The following ZNF431 variants were observed in gnomAD, a reference collection of about 807,000 sequenced individuals.
ZNF431 encodes zinc finger protein 431.
Under a neutral mutation model 57.0 loss-of-function variants are expected in ZNF431, and 34 were observed. The observed-to-expected ratio is 0.60, with a 90% CI of 0.45 to 0.79. The LOEUF (loss-of-function observed/expected upper bound fraction) is 0.79. ZNF431 is among the 30% of genes least tolerant of loss of function. ZNF431 has a pLI of 0.00. For missense variants in ZNF431, 607 were observed against 667.1 expected (o/e 0.91, Z 0.99); for synonymous variants, 207 against 220.3 (o/e 0.94, Z 0.54).
In ZNF431 at chr19:21,193,278, C is replaced by T. The variant is rs925617127; in HGVS notation, c.*9244C>T. On this transcript the variant is annotated 3_prime_UTR_variant, in exon 5 of 5. Coordinates refer to ENST00000311048, the MANE Select transcript of ZNF431 (RefSeq NM_133473.4). ...ACGAGGTGGCTCACGCCTGTAATCC[C>T]AGCACTTTGGAAGGCCGAGGTGGGC... is the stretch of plus-strand genomic sequence containing the variant. The T allele has an allele frequency of 6.6e-6, 1 of 152,234 alleles. No individual in the cohort carries two copies. Among genetic ancestry groups the T allele is most frequent in the Non-Finnish European group, 1.5e-5 (1 of 68,074 alleles). 9.4% of individuals were successfully genotyped at this position (152,234 alleles called of 1,614,324 possible).
In ZNF431 at chr19:21,183,085, A is replaced by G. The variant is rs1483534518; in HGVS notation, c.782A>G (p.Lys261Arg). ...ATTCATACTGGAGAGAAACCCTTCA[A>G]ATGTGAAGAATGTGGCAAAGCTTTT... is the stretch of plus-strand genomic sequence containing the variant. ...KRIHTGEKPF[K>R]CEECGKAFKQ... is the part of the protein sequence containing the mutation. The change falls in exon 5 of 5, where the codon AAA becomes AGA. Residue 261 changes from lysine (K) to arginine (R), a missense_variant. Transcript: ENST00000311048. 1 of 1,614,100 alleles carries G rather than the reference A, an allele frequency of 6.2e-7. No individual in the cohort carries two copies. The highest frequency in any genetic ancestry group is 8.5e-7 in the Non-Finnish European group (1 of 1,179,980).
rs1971565644 is a variant in ZNF431 at position 21,194,292 on chromosome 19, A to G, written c.*10258A>G. Reference sequence around the variant, plus strand: ...CAAAAAATAATATACTTAGAAATACATCAAACCAGGGAGGTAAAATATCTC... The same window carrying G: ...CAAAAAATAATATACTTAGAAATACGTCAAACCAGGGAGGTAAAATATCTC... On this transcript the variant is annotated 3_prime_UTR_variant, in exon 5 of 5. Transcript: ENST00000311048. 6.6e-6 allele frequency: 1 copy of G among 152,214 alleles called. No individual in the cohort carries two copies. Among genetic ancestry groups the G allele is most frequent in the African/African-American group, 2.4e-5 (1 of 41,472 alleles). The allele number at this position is 152,214 out of a possible 1,614,324, so 9.4% of individuals were successfully genotyped here. A position where few individuals can be genotyped will look rare whatever the true frequency, so the allele number is the denominator to read the frequency against.
chr19:21,168,215 C>G (rs998069769), intron 4 of ZNF431, among the ~76,000 whole-genome samples: 3 of 151,690 alleles, frequency 2.0e-5, no homozygotes, highest in Non-Finnish European at 4.4e-5. Context: ...AATGCTTTGG[C>G]TATTTGAAAT....
chr19:21,175,540 A>T (rs7248419), intron 4 of ZNF431: 500,028 of 642,728 alleles, frequency 0.78, 196,320 homozygotes, highest in Non-Finnish European at 0.82. Context: ...CACCTCGGTG[A>T]TAAGCCCTGC....
Position 21,195,788 on chromosome 19 carries a change from G to A in ZNF431, c.*11754G>A, listed in dbSNP as rs777188736. 6 of 152,068 alleles carry A rather than the reference G, an allele frequency of 3.9e-5. No homozygotes were observed. The highest frequency in any genetic ancestry group is 7.4e-5 in the Non-Finnish European group (5 of 68,014). 9.4% of individuals were successfully genotyped at this position (152,068 alleles called of 1,614,324 possible). ...TTCTTGCAGATTTAAATATTTTATTGCAGTGTAAAGTTTAATATTTAGATG... is the reference window on the plus strand; with the variant it reads ...TTCTTGCAGATTTAAATATTTTATTACAGTGTAAAGTTTAATATTTAGATG... On this transcript the variant is annotated 3_prime_UTR_variant, in exon 5 of 5. Coordinates refer to ENST00000311048, the MANE Select transcript of ZNF431 (RefSeq NM_133473.4).
At chr19:21,157,932 G>A (rs1599588263) in intron 2 of ZNF431, among the ~76,000 whole-genome samples, 1 of 150,470 alleles carries the variant, frequency 6.6e-6, no homozygotes, top group Non-Finnish European at 1.5e-5. Flanking sequence ...TTTTGTTACC[G>A]TAGCCCTCTA....
At chr19:21,175,433 A>T (rs1381373444) in intron 4 of ZNF431, 2 of 697,588 alleles carry the variant, frequency 2.9e-6, no homozygotes, top group Admixed American at 4.0e-5. Context: ...AGTTTAATTT[A>T]ATTTAATTTT....
intron 4 of ZNF431, among the ~76,000 whole-genome samples, chr19:21,170,140 A>G (rs1970841338): frequency 2.0e-5 from 3 of 151,960 alleles, no homozygotes; most frequent in Non-Finnish European, 1.5e-5. Context: ...GAGTTTCACA[A>G]CTCCCTCCCT....
Position 21,166,274 on chromosome 19 carries a change from A to T in ZNF431, c.97-61A>T, listed in dbSNP as rs188751464. The T allele has an allele frequency of 1.8e-5, 28 of 1,574,326 alleles. No individual in the cohort carries two copies. The Admixed American group carries it at 5.5e-4, about 31-fold the overall frequency. On this transcript the variant is annotated intron_variant, in intron 2 of 4. Coordinates refer to ENST00000311048, the MANE Select transcript of ZNF431 (RefSeq NM_133473.4). ...CTCTCAATTCACCTTAATTCAAATA[A>T]TAAATTCTGCCCATGGCCACTTGGT...
At chr19:21,158,855 G>T (rs1436186105) in intron 2 of ZNF431, among the ~76,000 whole-genome samples, 1 of 151,986 alleles carries the variant, frequency 6.6e-6, no homozygotes, top group Non-Finnish European at 1.5e-5. Flanking sequence ...TTCCAATTCT[G>T]TGTTGAATAG....
rs939289735 is a variant in ZNF431, at chr19:21,178,403, G to A, written c.320-4220G>A. Among the ~76,000 whole-genome samples the A allele has an allele frequency of 2.8e-4, 43 of 152,240 alleles. 1 individual carries two copies. Among genetic ancestry groups the A allele is most frequent in the Non-Finnish European group, 5.1e-4 (35 of 68,020 alleles). The stretch of plus-strand genomic sequence containing the variant: ...CTCATCTAGTGCCAGTTTTCAAGGG[G>A]AATGCTTCCAGCTTTTGCCCTTTTA... On this transcript the variant is annotated intron_variant, in intron 4 of 4. Transcript: ENST00000311048.
At chr19:21,170,322 A>T (rs1970847423) in intron 4 of ZNF431, among the ~76,000 whole-genome samples, 1 of 152,158 alleles carries the variant, frequency 6.6e-6, no homozygotes, top group South Asian at 2.1e-4. Context: ...TTTGTCAGGG[A>T]TGACTGAATA....
chr19:21,187,735 T>C lies in ZNF431; in HGVS notation c.*3701T>C, dbSNP rs1191337590. On this transcript the variant is annotated 3_prime_UTR_variant, in exon 5 of 5. Coordinates refer to ENST00000311048, the MANE Select transcript of ZNF431 (RefSeq NM_133473.4). ...TCTGGGCGACAAGAGGGAAACTCCA[T>C]CTGAAAAAAAAGAGAAATTCTTTTA... 6.6e-6 allele frequency: 1 copy of C among 151,998 alleles called. No individual in the cohort carries two copies. The highest frequency in any genetic ancestry group is 1.9e-4 in the East Asian group (1 of 5,168). 9.4% of individuals were successfully genotyped at this position (151,998 alleles called of 1,614,324 possible).
In ZNF431 at chr19:21,193,050, T is replaced by C. The variant is rs966513244; in HGVS notation, c.*9016T>C. ...AACTCTTGAACAGGGCAAAAATGTATAAAATATATAATGAAATTGAATTAA... is the reference window on the plus strand; with the variant it reads ...AACTCTTGAACAGGGCAAAAATGTACAAAATATATAATGAAATTGAATTAA... On this transcript the variant is annotated 3_prime_UTR_variant, in exon 5 of 5. Coordinates refer to ENST00000311048, the MANE Select transcript of ZNF431 (RefSeq NM_133473.4). 1 of 152,162 alleles carries C rather than the reference T, an allele frequency of 6.6e-6. No individual in the cohort carries two copies. The highest frequency in any genetic ancestry group is 1.5e-5 in the Non-Finnish European group (1 of 68,036). 9.4% of individuals were successfully genotyped at this position (152,162 alleles called of 1,614,324 possible).
chr19:21,150,230 C>T, intron 2 of ZNF431: 1 of 526,790 alleles, frequency 1.9e-6, no homozygotes, highest in Non-Finnish European at 3.6e-6. Flanking sequence ...CTTTCAGCCG[C>T]CTATAGAGGA....
rs752223316 is a variant in ZNF431 at position 21,183,582 on chromosome 19, C to A, written c.1279C>A (p.Pro427Thr). The change falls in exon 5 of 5, where the codon CCC becomes ACC. Residue 427 changes from proline (P) to threonine (T), a missense_variant. Physicochemically the swap from Pro to Thr is conservative, Grantham distance 38 (BLOSUM62 -1). Coordinates refer to ENST00000311048, the MANE Select transcript of ZNF431 (RefSeq NM_133473.4). ...THKMIHTGEK[P>T]YKCEECGKAF... Reference sequence around the variant, plus strand: ...TAAGATGATTCATACTGGAGAGAAACCCTACAAATGTGAAGAATGTGGCAA... The same window carrying A: ...TAAGATGATTCATACTGGAGAGAAAACCTACAAATGTGAAGAATGTGGCAA... 6.2e-7 allele frequency: 1 copy of A among 1,613,186 alleles called. No individual in the cohort carries two copies. The highest frequency in any genetic ancestry group is 8.5e-7 in the Non-Finnish European group (1 of 1,179,936).
chr19:21,148,903 A>G (rs1219361436), intron 2 of ZNF431, among the ~76,000 whole-genome samples: 9 of 152,212 alleles, frequency 5.9e-5, no homozygotes, highest in Admixed American at 5.2e-4. Context: ...GCTGTAAAAC[A>G]GGCAAGTTGT....
chr19:21,154,371 A>G (rs1344328273), intron 2 of ZNF431, among the ~76,000 whole-genome samples: 1 of 152,184 alleles, frequency 6.6e-6, no homozygotes, highest in East Asian at 1.9e-4. Context: ...ATGGCTGCAT[A>G]GTATTCCATG....
chr19:21,143,320 T>C (rs12979207), intron 1 of ZNF431, among the ~76,000 whole-genome samples: 11,131 of 152,292 alleles, frequency 0.073, 507 homozygotes, highest in East Asian at 0.12. Context: ...GTTAAAACTC[T>C]CTGTGCCTTT....
Sources: allele counts gnomAD v4.1 joint callset (sites outside exome capture counted in the v4.1 genomes callset), GRCh38; gene constraint gnomAD v4.1.1; transcripts MANE v1.5; gene names NCBI Gene and HGNC (gene_info 2026-07-23, HGNC 2026-07-21).